ZFP64: variants seen among roughly 807,000 people sequenced by gnomAD.
The protein encoded by ZFP64 is zinc finger protein 64.
Under a neutral mutation model 51.6 loss-of-function variants are expected in ZFP64, and 14 were observed. That is an observed-to-expected ratio of 0.27 (90% CI 0.18 to 0.42). The LOEUF (loss-of-function observed/expected upper bound fraction) is 0.42. Among genes scored for constraint, ZFP64 ranks in the 10% least tolerant of loss-of-function variants. The pLI is 1.00. For missense variants in ZFP64, 754 were observed against 906.8 expected (o/e 0.83, Z 2.16); for synonymous variants, 375 against 361.4 (o/e 1.04, Z -0.43).
intron 5 of ZFP64, among the ~76,000 whole-genome samples, chr20:52,127,430 A>C (rs975991340): frequency 3.9e-5 from 6 of 152,100 alleles, no homozygotes; most frequent in African/African-American, 1.4e-4. Context: ...TAATTGGATC[A>C]TGGGGGCGGC....
chr20:52,084,894 C>T, exon 9 of ZFP64: 3 of 1,613,620 alleles, frequency 1.9e-6, no homozygotes, highest in East Asian at 2.2e-5. Flanking sequence ...GCTGCTGGGC[C>T]GCTTCGTGTC....
intron 2 of ZFP64, among the ~76,000 whole-genome samples, chr20:52,182,423 C>T (rs946192919): frequency 6.6e-6 from 1 of 152,170 alleles, no homozygotes; most frequent in East Asian, 1.9e-4. Flanking sequence ...CTTCTTTGAA[C>T]AAAGAAATAG....
At chr20:52,162,838 G>A (rs1036498025) in intron 4 of ZFP64, among the ~76,000 whole-genome samples, 1 of 152,094 alleles carries the variant, frequency 6.6e-6, no homozygotes, top group African/African-American at 2.4e-5. Flanking sequence ...CTGTTGCTGT[G>A]GTTCCCCCAA....
chr20:52,190,557 TC>T (rs1197679402), intron 1 of ZFP64, among the ~76,000 whole-genome samples: 1 of 152,046 alleles, frequency 6.6e-6, no homozygotes, highest in African/African-American at 2.4e-5. Flanking sequence ...TCCCCGCCAG[TC>T]CCCCAGCATG....
chr20:52,088,911 G>A, intron 7 of ZFP64: 1 of 617,650 alleles, frequency 1.6e-6, no homozygotes, highest in Non-Finnish European at 3.0e-6. Context: ...AAAAATGGCA[G>A]TGGTTATAGA....
At chr20:52,185,181 G>C (rs1237312995) in intron 2 of ZFP64, among the ~76,000 whole-genome samples, 1 of 151,950 alleles carries the variant, frequency 6.6e-6, no homozygotes, top group Non-Finnish European at 1.5e-5. Flanking sequence ...GTGACACCAC[G>C]CTGGGCTAGT....
intron 6 of ZFP64, among the ~76,000 whole-genome samples, chr20:52,097,679 C>CAA (rs1386684681): frequency 1.3e-5 from 2 of 152,044 alleles, no homozygotes; most frequent in Non-Finnish European, 2.9e-5. Context: ...GGTCTGGTCT[C>CAA]AAACTCCTGA....
chr20:52,129,041 G>A (rs776774288), intron 5 of ZFP64, among the ~76,000 whole-genome samples: 2 of 151,192 alleles, frequency 1.3e-5, no homozygotes, highest in Non-Finnish European at 2.9e-5. Context: ...AGCCTCCCGA[G>A]TAGTTGGGAT....
At chr20:52,120,375 A>T (rs1979120058) in intron 5 of ZFP64, among the ~76,000 whole-genome samples, 1 of 152,154 alleles carries the variant, frequency 6.6e-6, no homozygotes, top group South Asian at 2.1e-4. Flanking sequence ...CCTGAGAGCC[A>T]ATGAAGGAGA....
chr20:52,089,848 T>G (rs916690196), intron 7 of ZFP64, among the ~76,000 whole-genome samples: 1 of 151,926 alleles, frequency 6.6e-6, no homozygotes, highest in African/African-American at 2.4e-5. Flanking sequence ...TCAAATGTAA[T>G]GTTGGTAATG....
chr20:52,151,684 A>G lies in ZFP64; in HGVS notation c.*462T>C. 7 of 992,538 alleles carry G rather than the reference A, an allele frequency of 7.1e-6. No individual in the cohort carries two copies. Among genetic ancestry groups the G allele is most frequent in the Non-Finnish European group, 8.4e-6 (7 of 833,596 alleles). 61.5% of individuals were successfully genotyped at this position (992,538 alleles called of 1,614,324 possible). On this transcript the variant is annotated 3_prime_UTR_variant, in exon 6 of 6. Coordinates refer to ENST00000216923, the MANE Select transcript of ZFP64 (RefSeq NM_018197.3). ...CTCAAAGTTGTTACAGTGTTAAAAA[A>G]ATTATAGTAAGCAGTATAAAATTAC...
chr20:52,102,387 C>T (rs964839477), intron 5 of ZFP64, among the ~76,000 whole-genome samples: 2 of 152,084 alleles, frequency 1.3e-5, no homozygotes, highest in African/African-American at 2.4e-5. Flanking sequence ...CCAGTTGATG[C>T]CGATGCTGGT....
At chr20:52,172,190 T>C (rs1051156630) in intron 2 of ZFP64, among the ~76,000 whole-genome samples, 2 of 151,528 alleles carry the variant, frequency 1.3e-5, no homozygotes, top group Non-Finnish European at 2.9e-5. Context: ...GCCAGGGGTG[T>C]GTGTGTGTGT....
At chr20:52,093,269 T>C (rs2078948575) in intron 7 of ZFP64, among the ~76,000 whole-genome samples, 1 of 152,142 alleles carries the variant, frequency 6.6e-6, no homozygotes, top group South Asian at 2.1e-4. Flanking sequence ...GCCTCCTAAG[T>C]AGCTGGGATT....
chr20:52,143,104 T>A (rs1004327235), intron 5 of ZFP64, among the ~76,000 whole-genome samples: 4 of 143,026 alleles, frequency 2.8e-5, no homozygotes, highest in Admixed American at 7.2e-5. Flanking sequence ...ATAATGCTAT[T>A]GTGCCCTGAA....
At chr20:52,105,269 A>G (rs1205273767) in intron 5 of ZFP64, 1 of 1,314,490 alleles carries the variant, frequency 7.6e-7, no homozygotes, top group Non-Finnish European at 9.6e-7. Context: ...GCGCGTCCCT[A>G]GGAGTGGCCT....
At chr20:52,165,646 C>T in intron 3 of ZFP64, 9 of 717,770 alleles carry the variant, frequency 1.3e-5, no homozygotes, top group South Asian at 1.2e-4. Context: ...ACTTCAAAGG[C>T]CTATGGCTAG....
intron 5 of ZFP64, chr20:52,105,259 G>C: frequency 7.5e-7 from 1 of 1,330,016 alleles, no homozygotes; most frequent in Non-Finnish European, 9.6e-7. Context: ...CGGGCTCCCC[G>C]CGCGTCCCTA....
chr20:52,131,430 G>A (rs1979718114), intron 5 of ZFP64, among the ~76,000 whole-genome samples: 1 of 152,050 alleles, frequency 6.6e-6, no homozygotes, highest in South Asian at 2.1e-4. Flanking sequence ...GACATGGAAT[G>A]GTTGAATAGA....
Sources: gnomAD v4.1 joint callset for allele counts (sites outside exome capture counted in the v4.1 genomes callset) on GRCh38, gnomAD v4.1.1 for gene constraint, MANE v1.5 for transcripts, NCBI Gene and HGNC (gene_info 2026-07-23, HGNC 2026-07-21) for gene names.